The following HCLS1 variants were observed in gnomAD, a reference collection of about 807,000 sequenced individuals.
HCLS1 encodes the protein hematopoietic cell-specific Lyn substrate 1.
In HCLS1, 44 loss-of-function variants were observed where a neutral mutation model predicts 68.6. That is an observed-to-expected ratio of 0.64 (90% CI 0.50 to 0.82). The LOEUF (loss-of-function observed/expected upper bound fraction) is 0.82, where lower values mean the gene tolerates loss of function less well. HCLS1 is among the 40% of genes least tolerant of loss of function. The probability of loss-of-function intolerance (pLI) is 0.00; values close to 1 mark genes in which losing one functional copy is unlikely to be tolerated. For synonymous variants in HCLS1, 217 were observed against 225.8 expected (o/e 0.96, Z 0.35); for missense variants, 602 against 612.1 (o/e 0.98, Z 0.17).
intron 6 of HCLS1, among the ~76,000 whole-genome samples, chr3:121,639,059 AT>A: frequency 6.6e-6 from 1 of 151,270 alleles, no homozygotes; most frequent in East Asian, 1.9e-4. Flanking sequence ...ACACACACAA[AT>A]AATGCAAAAG....
chr3:121,650,457 T>A (rs1937725429), intron 3 of HCLS1, among the ~76,000 whole-genome samples: 1 of 152,132 alleles, frequency 6.6e-6, no homozygotes, highest in South Asian at 2.1e-4. Context: ...CAGTATGGTA[T>A]GCTGTCAGGG....
intron 11 of HCLS1, among the ~76,000 whole-genome samples, chr3:121,632,841 A>G (rs2049113531): frequency 6.6e-6 from 1 of 151,756 alleles, no homozygotes; most frequent in African/African-American, 2.4e-5. Context: ...TCTTTGGGAG[A>G]CCAAGAAAAC....
intron 9 of HCLS1, among the ~76,000 whole-genome samples, chr3:121,634,921 C>G (rs1345085964): frequency 6.6e-6 from 1 of 152,070 alleles, no homozygotes; most frequent in Non-Finnish European, 1.5e-5. Context: ...TGTGAGCCAC[C>G]ATGCCCAGCT....
chr3:121,631,823 T>C lies in HCLS1; in HGVS notation c.*23A>G. The C allele has an allele frequency of 6.2e-7, 1 of 1,613,718 alleles. No homozygotes were observed. The highest frequency in any genetic ancestry group is 1.7e-5 in the Admixed American group (1 of 59,984). ...CCACTTTGGACATGGGAAATCACAGTTGCAGTAGACAGTGAGCTCTAGTCA... is the reference window on the plus strand; with the variant it reads ...CCACTTTGGACATGGGAAATCACAGCTGCAGTAGACAGTGAGCTCTAGTCA... On this transcript the variant is annotated 3_prime_UTR_variant, in exon 14 of 14. Transcript: ENST00000314583.
At chr3:121,644,404 T>C (rs978793287) in intron 5 of HCLS1, 1 of 318,692 alleles carries the variant, frequency 3.1e-6, no homozygotes, top group African/African-American at 2.2e-5. Context: ...GTTGTTTAAC[T>C]TGATTATCTG....
At chr3:121,656,418 C>G (rs1045549528) in intron 3 of HCLS1, among the ~76,000 whole-genome samples, 1 of 152,192 alleles carries the variant, frequency 6.6e-6, no homozygotes, top group African/African-American at 2.4e-5. Context: ...GTTTGACATT[C>G]TGATACTATC....
chr3:121,657,227 T>G, intron 3 of HCLS1, 52 bp downstream of exon 3: 2 of 1,499,402 alleles, frequency 1.3e-6, no homozygotes, highest in Non-Finnish European at 1.8e-6. Context: ...CGAGTTTTCT[T>G]TGGGCTCTTC....
At position 121,636,479 on chromosome 3, in the gene HCLS1, C is replaced by T. The variant is rs752899993; in HGVS notation, c.576G>A (p.Lys192=). The T allele has an allele frequency of 3.7e-6, 6 of 1,613,110 alleles. No homozygotes were observed. In the East Asian group the frequency reaches 1.1e-4, roughly 30 times the overall value. Residue 192 remains lysine (K), a synonymous_variant, in exon 8 of 14, where the codon AAG becomes AAA. Transcript: ENST00000314583. ...GGATTCCATACTGGCCACCAAAGCC[C>T]TTGGCATAATCTGCAGGACAGAAAG... The part of the protein sequence containing the change: ...EKHESQRDYA[K]GFGGQYGIQK...
At position 121,634,230 on chromosome 3, in the gene HCLS1, G is replaced by C. The variant is rs1219134426; in HGVS notation, c.880C>G (p.Leu294Val). ...AMEEPAVPAP[L>V]PKKISSEAWP... ...ACCTCTGAGGAGATTTTCTTGGGCA[G>C]TGGGGCCGGTACTGCTGGCTCTTCC... Residue 294 changes from leucine to valine, a missense_variant, in exon 10 of 14, where the codon CTG becomes GTG. Physicochemically the swap from Leu to Val is conservative, Grantham distance 32 (BLOSUM62 1). Coordinates refer to ENST00000314583, the MANE Select transcript of HCLS1 (RefSeq NM_005335.6). 2.5e-6 allele frequency: 4 copies of C among 1,614,100 alleles called. No homozygotes were observed. The highest frequency in any genetic ancestry group is 1.6e-4 in the Middle Eastern group (1 of 6,084).
rs375272596 is a variant in HCLS1 at position 121,634,338 on chromosome 3, C to A, written c.772G>T (p.Ala258Ser). ...EKRKREEEEK[A>S]QQVARRQQER... is the part of the protein sequence containing the mutation. ...TGTTGCCTCCTGGCCACCTGCTGTG[C>A]CTTCTCCTCTTCCTCTCGCTTCCTC... Residue 258 changes from alanine to serine, a missense_variant, in exon 10 of 14, where the codon GCA (alanine) becomes TCA (serine). Physicochemically the swap from Ala to Ser is moderately conservative, Grantham distance 99. Coordinates refer to ENST00000314583, the MANE Select transcript of HCLS1 (RefSeq NM_005335.6). The A allele has an allele frequency of 5.0e-6, 8 of 1,613,988 alleles. No individual in the cohort carries two copies. Among genetic ancestry groups the A allele is most frequent in the East Asian group, 2.2e-5 (1 of 44,894 alleles).
At chr3:121,633,669 C>G (rs1006538009) in intron 10 of HCLS1, among the ~76,000 whole-genome samples, 1 of 152,182 alleles carries the variant, frequency 6.6e-6, no homozygotes, top group Non-Finnish European at 1.5e-5. Context: ...TCCCAAGTAG[C>G]TGGGACTATA....
chr3:121,646,402 T>C (rs1222911985), intron 4 of HCLS1, among the ~76,000 whole-genome samples: 26 of 84,080 alleles, frequency 3.1e-4, no homozygotes, highest in Non-Finnish European at 5.0e-4. Flanking sequence ...CTATGTAATA[T>C]ATTACATAGT....
At chr3:121,634,638 C>T (rs1341086025) in intron 9 of HCLS1, among the ~76,000 whole-genome samples, 4 of 151,818 alleles carry the variant, frequency 2.6e-5, no homozygotes, top group Admixed American at 6.6e-5. Context: ...ACCTAAGACT[C>T]GTGTCTTTTT....
intron 7 of HCLS1, among the ~76,000 whole-genome samples, chr3:121,636,906 C>CG (rs1273086024): frequency 6.6e-6 from 1 of 151,936 alleles, no homozygotes; most frequent in African/African-American, 2.4e-5. Context: ...CCTTCCTCAA[C>CG]GCCCCCTTCT....
rs955053927 is a variant in HCLS1 at position 121,644,841 on chromosome 3, C to T, written c.376G>A (p.Val126Ile). Residue 126 changes from valine (V) to isoleucine (I), a missense_variant, in exon 5 of 14, where the codon GTT becomes ATT. Val to Ile is a conservative substitution (Grantham distance 29). Coordinates refer to ENST00000314583, the MANE Select transcript of HCLS1 (RefSeq NM_005335.6). ...ACCTTGTCTGCCCTGTCCCTCTCAA[C>T]TCCGTACTTGCCCCCAAAGCCTTTG... ...AAKGFGGKYG[V>I]ERDRADKSAV... 7 of 1,613,796 alleles carry T rather than the reference C, an allele frequency of 4.3e-6. No homozygotes were observed. The African/African-American group carries it at 8.0e-5, about 18-fold the overall frequency.
intron 11 of HCLS1, 119 bp downstream of exon 11, chr3:121,632,940 AAGGTCTTC>A: frequency 1.6e-6 from 1 of 636,888 alleles, no homozygotes; most frequent in African/African-American, 1.8e-5. Context: ...CCCAGAAGGC[AAGGTCTTC>A]AGTGCTAACA....
rs1000573524 is a variant in HCLS1, at chr3:121,639,743, T to G, written c.455-2487A>C. On this transcript the variant is annotated intron_variant, in intron 6 of 13. Coordinates refer to ENST00000314583, the MANE Select transcript of HCLS1 (RefSeq NM_005335.6). ...CACACATTCAAATATTTGTTGAATGTAGCAAATGTTTGTAGCAAATGAAGG... is the reference window on the plus strand; with the variant it reads ...CACACATTCAAATATTTGTTGAATGGAGCAAATGTTTGTAGCAAATGAAGG... Among the ~76,000 whole-genome samples the G allele has an allele frequency of 2.6e-5, 4 of 152,312 alleles. No individual in the cohort carries two copies. The South Asian group carries it at 8.3e-4, about 32-fold the overall frequency.
chr3:121,642,330 G>A (rs1341220020), intron 6 of HCLS1, among the ~76,000 whole-genome samples: 2 of 150,716 alleles, frequency 1.3e-5, no homozygotes, highest in African/African-American at 2.4e-5. Flanking sequence ...TTAGCCAGGC[G>A]TGCTGGCAGT....
chr3:121,641,530 C>G (rs2049198168), intron 6 of HCLS1, among the ~76,000 whole-genome samples: 1 of 152,086 alleles, frequency 6.6e-6, no homozygotes, highest in South Asian at 2.1e-4. Context: ...AATAATGATT[C>G]ATTTTTGTGG....
Sources: gnomAD v4.1 joint callset for allele counts (sites outside exome capture counted in the v4.1 genomes callset) on GRCh38, gnomAD v4.1.1 for gene constraint, MANE v1.5 for transcripts, NCBI Gene and HGNC (gene_info 2026-07-23, HGNC 2026-07-21) for gene names.